The following CSMD1 variants were observed in gnomAD, a reference collection of about 807,000 sequenced individuals.
The protein encoded by CSMD1 is CUB and sushi domain-containing protein 1.
A neutral mutation model predicts 417.5 loss-of-function variants in CSMD1; 213 were observed. The ratio of observed to expected loss-of-function variants is 0.51; its 90% CI spans 0.46 to 0.57. The LOEUF (loss-of-function observed/expected upper bound fraction) is 0.57. Ranked by LOEUF, CSMD1 falls within the 20% of genes least tolerant of loss-of-function variation. The pLI, the probability that CSMD1 is intolerant of heterozygous loss-of-function variation, is 0.00. For missense variants in CSMD1, 6,923 were observed against 4,529.7 expected (o/e 1.53, Z -15.17); for synonymous variants, 2,862 against 1,736.8 (o/e 1.65, Z -16.11).
intron 3 of CSMD1, among the ~76,000 whole-genome samples, chr8:4,339,395 C>T (rs1043116695): frequency 2.6e-5 from 4 of 152,052 alleles, no homozygotes; most frequent in African/African-American, 9.7e-5. Flanking sequence ...ATGCCCTGTG[C>T]TAATCTCAGT....
intron 5 of CSMD1, among the ~76,000 whole-genome samples, chr8:3,966,777 A>C (rs1812707163): frequency 6.6e-6 from 1 of 151,788 alleles, no homozygotes; most frequent in Non-Finnish European, 1.5e-5. Flanking sequence ...ACACACACTG[A>C]TTTATAGGTC....
chr8:3,307,601 T>C (rs1016699756), intron 25 of CSMD1, 94 bp downstream of exon 25: 14 of 1,370,346 alleles, frequency 1.0e-5, no homozygotes, highest in South Asian at 1.4e-5. Flanking sequence ...TCAGAAACTT[T>C]AACCATGGAT....
At chr8:4,405,030 C>T (rs755675588) in intron 3 of CSMD1, among the ~76,000 whole-genome samples, 32 of 152,362 alleles carry the variant, frequency 2.1e-4, no homozygotes, top group Non-Finnish European at 4.3e-4. Context: ...GAGGTTTAAA[C>T]TAGCATGTCG....
intron 3 of CSMD1, among the ~76,000 whole-genome samples, chr8:4,039,322 G>C (rs59606025): frequency 6.6e-6 from 1 of 152,092 alleles, no homozygotes; most frequent in African/African-American, 2.4e-5. Context: ...GATATCAAAT[G>C]TGTTTGTTTT....
intron 1 of CSMD1, chr8:4,788,110 G>C (rs1797506907): frequency 1.2e-6 from 2 of 1,603,788 alleles, no homozygotes; most frequent in Admixed American, 1.7e-5. Flanking sequence ...AGTCAGTGCA[G>C]GGTTGTAGTG....
At chr8:4,032,578 C>T (rs2740920) in intron 3 of CSMD1, among the ~76,000 whole-genome samples, 58,106 of 152,020 alleles carry the variant, frequency 0.38, 11,457 homozygotes, top group Middle Eastern at 0.48. Context: ...CATTACCCAA[C>T]GCTCAATCAA....
At chr8:4,871,337 C>A (rs1802728760) in intron 1 of CSMD1, among the ~76,000 whole-genome samples, 1 of 152,096 alleles carries the variant, frequency 6.6e-6, no homozygotes, top group African/African-American at 2.4e-5. Flanking sequence ...TCTGATGCTT[C>A]CAGCTATGCA....
intron 18 of CSMD1, among the ~76,000 whole-genome samples, chr8:3,377,984 G>A (rs954148483): frequency 2.6e-5 from 4 of 152,244 alleles, no homozygotes; most frequent in East Asian, 3.9e-4. Context: ...GTCATGGCCT[G>A]GAGCAATTCC....
chr8:4,451,828 G>C (rs995416289), intron 2 of CSMD1, among the ~76,000 whole-genome samples: 4 of 151,976 alleles, frequency 2.6e-5, no homozygotes, highest in African/African-American at 7.2e-5. Flanking sequence ...ACCACAGTGA[G>C]TTTTGTTTAC....
At chr8:3,994,942 C>G (rs1331459218) in intron 5 of CSMD1, among the ~76,000 whole-genome samples, 2 of 152,162 alleles carry the variant, frequency 1.3e-5, no homozygotes, top group Non-Finnish European at 2.9e-5. Context: ...TGCCCTCACT[C>G]CACTCACAGT....
chr8:3,464,485 G>A (rs1258941713), intron 12 of CSMD1, among the ~76,000 whole-genome samples: 1 of 151,626 alleles, frequency 6.6e-6, no homozygotes, highest in Non-Finnish European at 1.5e-5. Flanking sequence ...ATAAAATGGA[G>A]AAACTATGCC....
At chr8:4,868,405 T>C (rs958038981) in intron 1 of CSMD1, among the ~76,000 whole-genome samples, 2 of 151,994 alleles carry the variant, frequency 1.3e-5, no homozygotes, top group African/African-American at 4.8e-5. Context: ...CGACTAATTT[T>C]TGTACTTTTA....
intron 1 of CSMD1, among the ~76,000 whole-genome samples, chr8:4,786,688 G>A (rs1442321472): frequency 1.3e-5 from 2 of 151,990 alleles, no homozygotes; most frequent in African/African-American, 4.8e-5. Flanking sequence ...TGTTCTATCT[G>A]GTTTTCTTCA....
chr8:4,520,646 C>T (rs974753261), intron 2 of CSMD1, among the ~76,000 whole-genome samples: 1 of 152,192 alleles, frequency 6.6e-6, no homozygotes, highest in Admixed American at 6.5e-5. Context: ...TTTCCCCCTA[C>T]TAGCAATGAT....
chr8:4,874,249 A>G (rs565961488), intron 1 of CSMD1, among the ~76,000 whole-genome samples: 2 of 152,234 alleles, frequency 1.3e-5, no homozygotes, highest in South Asian at 4.1e-4. Flanking sequence ...GTTTTCATCA[A>G]ATTACGTGGG....
chr8:3,381,383 C>T (rs1018866069), intron 18 of CSMD1, among the ~76,000 whole-genome samples: 2 of 152,054 alleles, frequency 1.3e-5, no homozygotes, highest in Admixed American at 1.3e-4. Context: ...CCAAGAAAGC[C>T]ATATGTGTTT....
intron 3 of CSMD1, among the ~76,000 whole-genome samples, chr8:4,301,057 C>G (rs558350318): frequency 6.6e-6 from 1 of 152,102 alleles, no homozygotes; most frequent in South Asian, 2.1e-4. Flanking sequence ...TCAGAAGGAG[C>G]CAAATCAGGA....
At chr8:3,966,889 T>G (rs1255775981) in intron 5 of CSMD1, among the ~76,000 whole-genome samples, 1 of 152,254 alleles carries the variant, frequency 6.6e-6, no homozygotes, top group Non-Finnish European at 1.5e-5. Flanking sequence ...TGTATCAGAT[T>G]TTCAGTATGA....
At chr8:3,309,542 A>G (rs1805165860) in intron 23 of CSMD1, among the ~76,000 whole-genome samples, 1 of 141,786 alleles carries the variant, frequency 7.1e-6, no homozygotes, top group Non-Finnish European at 1.6e-5. Context: ...TATGTGAGGC[A>G]ATATTTTAAG....
Sources: gnomAD v4.1 joint callset for allele counts (sites outside exome capture counted in the v4.1 genomes callset) on GRCh38, gnomAD v4.1.1 for gene constraint, MANE v1.5 for transcripts, NCBI Gene and HGNC (gene_info 2026-07-23, HGNC 2026-07-21) for gene names.